The following MYOM1 variants were observed in gnomAD, a reference collection of about 807,000 sequenced individuals.
MYOM1 encodes the protein myomesin-1.
Under a neutral mutation model 205.3 loss-of-function variants are expected in MYOM1, and 164 were observed. The observed-to-expected ratio is 0.80, with a 90% CI of 0.70 to 0.91. The LOEUF (loss-of-function observed/expected upper bound fraction) is 0.91, where lower values mean the gene tolerates loss of function less well. MYOM1 is among the 40% of genes least tolerant of loss of function. MYOM1 has a pLI of 0.00. For missense variants in MYOM1, 2,011 were observed against 2,127.3 expected, an observed-to-expected ratio of 0.95 and a Z score of 1.08; for synonymous variants, 772 against 789.4, an observed-to-expected ratio of 0.98 and a Z score of 0.37.
chr18:3,083,904 G>C lies in MYOM1; in HGVS notation c.4379-10C>G. ...TCTGTAGCAGACAAAGCTGAAAGAA[G>C]AAAATAGCATATTTCATACATCTGC... On this transcript the variant is annotated splice_polypyrimidine_tract_variant and intron_variant, in intron 32 of 37. Transcript: ENST00000356443. 1 of 1,576,268 alleles carries C rather than the reference G, an allele frequency of 6.3e-7. No homozygotes were observed. Among genetic ancestry groups the C allele is most frequent in the Non-Finnish European group, 8.6e-7 (1 of 1,159,268 alleles).
chr18:3,100,458 G>C lies in MYOM1; in HGVS notation c.3576-32C>G, dbSNP rs1208959638. ...AACAAAATATTTTTCTTAGAAATGA[G>C]GCTGTGTGGGATCTGTGGGCCTGTG... On this transcript the variant is annotated intron_variant, in intron 23 of 37. Transcript: ENST00000356443. 2.0e-6 allele frequency: 3 copies of C among 1,519,752 alleles called. No individual in the cohort carries two copies. The East Asian group carries it at 6.8e-5, about 35-fold the overall frequency. 94.1% of individuals were successfully genotyped at this position (1,519,752 alleles called of 1,614,324 possible).
rs1051713949 is a variant in MYOM1, at chr18:3,083,909, T to C, written c.4379-15A>G. 1.9e-6 allele frequency: 3 copies of C among 1,575,460 alleles called. No homozygotes were observed. Among genetic ancestry groups the C allele is most frequent in the Admixed American group, 1.9e-5 (1 of 53,674 alleles). ...AGCAGACAAAGCTGAAAGAAGAAAA[T>C]AGCATATTTCATACATCTGCATGCC... On this transcript the variant is annotated splice_polypyrimidine_tract_variant and intron_variant, in intron 32 of 37. Coordinates refer to ENST00000356443, the MANE Select transcript of MYOM1 (RefSeq NM_003803.4).
At chr18:3,106,697 C>A (rs943671767) in intron 22 of MYOM1, among the ~76,000 whole-genome samples, 5 of 152,112 alleles carry the variant, frequency 3.3e-5, no homozygotes, top group African/African-American at 1.2e-4. Context: ...GTGGCTGACA[C>A]CTGTAGCACC....
In MYOM1 at chr18:3,134,667, G is replaced by C. The variant is rs773582739; in HGVS notation, c.2367C>G (p.Asn789Lys). Residue 789 changes from asparagine (N) to lysine (K), a missense_variant, in exon 16 of 38, where the codon AAC (asparagine) becomes AAG (lysine). Transcript: ENST00000356443. ...TGAGTTACCGTGAGCCCTTCACGGG[G>C]TTGTTGTTACAGGGCTCCCACTTGC... ...GSGKWEPCNN[N>K]PVKGSRFTCH... The C allele has an allele frequency of 2.4e-5, 39 of 1,613,254 alleles. No homozygotes were observed. Among genetic ancestry groups the C allele is most frequent in the Non-Finnish European group, 3.1e-5 (37 of 1,179,412 alleles).
intron 22 of MYOM1, among the ~76,000 whole-genome samples, chr18:3,104,236 T>C (rs570702439): frequency 1.3e-5 from 2 of 152,304 alleles, no homozygotes; most frequent in South Asian, 4.1e-4. Context: ...TTAGACTGTA[T>C]TATAATATAC....
upstream of MYOM1, among the ~76,000 whole-genome samples, chr18:3,221,419 A>G (rs904280715): frequency 6.6e-6 from 1 of 152,250 alleles, no homozygotes; most frequent in African/African-American, 2.4e-5. Context: ...ATCCAGTGCC[A>G]GACACTGGGA....
chr18:3,086,504 AAAAT>A, intron 29 of MYOM1, among the ~76,000 whole-genome samples: 1 of 152,228 alleles, frequency 6.6e-6, no homozygotes, highest in East Asian at 1.9e-4. Flanking sequence ...CCATCAGATT[AAAAT>A]ACAGGCTGTG....
At chr18:3,116,283 T>G in intron 21 of MYOM1, 48 bp downstream of exon 21, 1 of 1,567,914 alleles carries the variant, frequency 6.4e-7, no homozygotes, top group Non-Finnish European at 8.7e-7. Flanking sequence ...AAGTTCGTAT[T>G]AGTAGAGCAG....
chr18:3,101,005 G>A (rs2079367818), intron 23 of MYOM1, among the ~76,000 whole-genome samples: 1 of 152,160 alleles, frequency 6.6e-6, no homozygotes, highest in African/African-American at 2.4e-5. Flanking sequence ...AGTTCACTGG[G>A]TTTTCTAACT....
chr18:3,181,573 T>A (rs1185610084), intron 5 of MYOM1, among the ~76,000 whole-genome samples: 1 of 152,176 alleles, frequency 6.6e-6, no homozygotes. Context: ...GATTCTATTA[T>A]GAAATTTACA....
At chr18:3,144,192 C>G (rs62076868) in intron 13 of MYOM1, among the ~76,000 whole-genome samples, 1 of 151,840 alleles carries the variant, frequency 6.6e-6, no homozygotes, top group Non-Finnish European at 1.5e-5. Context: ...GGCGACAGAG[C>G]AAGACTCCAT....
At chr18:3,160,988 C>CA (rs1204427279) in intron 10 of MYOM1, among the ~76,000 whole-genome samples, 1 of 152,112 alleles carries the variant, frequency 6.6e-6, no homozygotes, top group Non-Finnish European at 1.5e-5. Context: ...CATAGCATGA[C>CA]AAAGGTTTTT....
chr18:3,215,106 T>G lies in MYOM1; in HGVS notation c.118A>C (p.Thr40Pro). The change falls in exon 2 of 38, where the codon ACC becomes CCC. Residue 40 changes from threonine to proline, a missense_variant. Coordinates refer to ENST00000356443, the MANE Select transcript of MYOM1 (RefSeq NM_003803.4). ...QREKKRSAVY[T>P]QGSTAYSSRS... ...CTGCTGTAGGCCGTGGAGCCCTGGG[T>G]GTAGACGGCGGAGCGTTTCTTCTCC... The G allele has an allele frequency of 6.2e-7, 1 of 1,613,708 alleles. No homozygotes were observed. The highest frequency in any genetic ancestry group is 1.3e-5 in the African/African-American group (1 of 75,012).
At chr18:3,155,377 A>T (rs905404346) in intron 10 of MYOM1, among the ~76,000 whole-genome samples, 1 of 152,078 alleles carries the variant, frequency 6.6e-6, no homozygotes, top group African/African-American at 2.4e-5. Flanking sequence ...ACCCGCCACC[A>T]CGCCCAGCTA....
At chr18:3,200,733 TGTGAGACA>T (rs2081055381) in intron 2 of MYOM1, among the ~76,000 whole-genome samples, 5 of 152,008 alleles carry the variant, frequency 3.3e-5, no homozygotes, top group Admixed American at 3.3e-4. Flanking sequence ...CTCAGAAACG[TGTGAGACA>T]ATGTCAAACA....
chr18:3,243,447 T>C, the MYOM1 span, among the ~76,000 whole-genome samples: 41 of 152,228 alleles, frequency 2.7e-4, no homozygotes, highest in Admixed American at 2.5e-3. Flanking sequence ...GCTTCCTTGC[T>C]GTTGTTTGGG....
In MYOM1 at chr18:3,125,770, G is replaced by T. The variant is rs1340639089; in HGVS notation, c.2991+931C>A. Among the ~76,000 whole-genome samples the T allele has an allele frequency of 2.6e-5, 4 of 152,170 alleles. No homozygotes were observed. In the East Asian group the frequency reaches 7.7e-4, roughly 29 times the overall value. On this transcript the variant is annotated intron_variant, in intron 19 of 37. Coordinates refer to ENST00000356443, the MANE Select transcript of MYOM1 (RefSeq NM_003803.4). ...ATGTAGCTGATGAAGCTCTAGAGAA[G>T]AAAGTCATCAGCTAAGGCAACAGTG...
chr18:3,073,211 T>C, intron 36 of MYOM1, among the ~76,000 whole-genome samples: 1 of 152,132 alleles, frequency 6.6e-6, no homozygotes, highest in East Asian at 1.9e-4. Context: ...GCTAGGAGTA[T>C]AAAGGCCTGC....
At chr18:3,213,724 G>A (rs2081219940) in intron 2 of MYOM1, among the ~76,000 whole-genome samples, 1 of 152,180 alleles carries the variant, frequency 6.6e-6, no homozygotes. Flanking sequence ...GACAATCAGT[G>A]AGCTTGCTGT....
Sources: gnomAD v4.1 joint callset for allele counts (sites outside exome capture counted in the v4.1 genomes callset) on GRCh38, gnomAD v4.1.1 for gene constraint, MANE v1.5 for transcripts, NCBI Gene and HGNC (gene_info 2026-07-23, HGNC 2026-07-21) for gene names.